Variants in PPFIA3 observed in about 807,000 individuals in gnomAD.
The protein encoded by PPFIA3 is PPFI scaffold protein A3, also known as liprin-alpha-3.
In PPFIA3, 26 loss-of-function variants were observed where a neutral mutation model predicts 145.8. That is an observed-to-expected ratio of 0.18 (90% CI 0.13 to 0.25). PPFIA3 has a LOEUF of 0.25. Ranked by LOEUF, PPFIA3 falls within the 10% of genes least tolerant of loss-of-function variation. PPFIA3 has a pLI of 1.00. For missense variants in PPFIA3, 1,008 were observed against 1,587.8 expected (o/e 0.63, Z 6.21); for synonymous variants, 645 against 661.4 (o/e 0.98, Z 0.38).
At chr19:49,121,560 T>G (rs2040936360) in intron 1 of PPFIA3, among the ~76,000 whole-genome samples, 1 of 152,086 alleles carries the variant, frequency 6.6e-6, no homozygotes, top group African/African-American at 2.4e-5. Context: ...GCGGATCACC[T>G]GAGGTCAGGA....
At chr19:49,135,650 T>C in intron 13 of PPFIA3, 129 bp from the exon 14 acceptor site, 1 of 1,024,128 alleles carries the variant, frequency 9.8e-7, no homozygotes, top group Non-Finnish European at 1.4e-6. Context: ...GATTGCAGGC[T>C]TGAGCCACCA....
In PPFIA3 at chr19:49,140,078, C is replaced by T. The variant is rs964908116; in HGVS notation, c.2358C>T (p.Ser786=). The T allele has an allele frequency of 6.2e-7, 1 of 1,614,036 alleles. No individual in the cohort carries two copies. Among genetic ancestry groups the T allele is most frequent in the Non-Finnish European group, 8.5e-7 (1 of 1,180,050 alleles). The change falls in exon 18 of 30, where the codon AGC becomes AGT. Residue 786 remains serine, a synonymous_variant. Coordinates refer to ENST00000334186, the MANE Select transcript of PPFIA3 (RefSeq NM_003660.4). ...GAATGGGACCCCCAGGCCGGGACAG[C>T]TCTTCTCTGGGTGAGTACCTCACTC... ...KGRMGPPGRD[S]SSLAGTPSDE...
chr19:49,130,352 C>G lies in PPFIA3; in HGVS notation c.658-26C>G. 1 of 1,561,742 alleles carries G rather than the reference C, an allele frequency of 6.4e-7. No homozygotes were observed. The highest frequency in any genetic ancestry group is 8.7e-7 in the Non-Finnish European group (1 of 1,149,030). ...TGTGTCTCCGGAGACACTCTGGGAT[C>G]TTGTCCCCTCCTTCCCTCACTCCAG... On this transcript the variant is annotated intron_variant, in intron 6 of 29. Coordinates refer to ENST00000334186, the MANE Select transcript of PPFIA3 (RefSeq NM_003660.4). This position sits in a 1 kb window ranked among gnomAD's most constrained non-coding sequence, Gnocchi z 4.5.
At position 49,148,716 on chromosome 19, in the gene PPFIA3, G is replaced by A. The variant is rs755227968; in HGVS notation, c.3062G>A (p.Arg1021Gln). The A allele has an allele frequency of 6.2e-7, 1 of 1,614,050 alleles. No homozygotes were observed. ...TGCCTGAAACGGCTCAACTATGACCGGAAGGACCTGGAGCGGAGGCGGGAA... is the reference window on the plus strand; with the variant it reads ...TGCCTGAAACGGCTCAACTATGACCAGAAGGACCTGGAGCGGAGGCGGGAA... The part of the protein sequence containing the change: ...IMCLKRLNYD[R>Q]KDLERRREES... The change falls in exon 25 of 30, where the codon CGG (arginine) becomes CAG (glutamine). Residue 1021 changes from arginine (R) to glutamine (Q), a missense_variant. By Grantham distance (43) the Arg-to-Gln change is conservative. This residue lies in a region of PPFIA3 where 154 missense variants were observed against 369.2 expected (regional missense o/e 0.42). Transcript: ENST00000334186.
intron 20 of PPFIA3, 116 bp downstream of exon 20, chr19:49,142,231 G>A: frequency 1.0e-6 from 1 of 973,276 alleles, no homozygotes; most frequent in Non-Finnish European, 1.5e-6. Flanking sequence ...GGTGGGGGTG[G>A]CCATGGGCCT....
chr19:49,137,030 C>A (rs921357580), intron 15 of PPFIA3, 119 bp downstream of exon 15: 4 of 1,029,824 alleles, frequency 3.9e-6, no homozygotes, highest in Non-Finnish European at 5.4e-6. Context: ...ACAAGGAATT[C>A]TTCCAGCCCA....
rs548127209 is a variant in PPFIA3, at chr19:49,140,294, C to T, written c.2368+206C>T. Among the ~76,000 whole-genome samples, 16 of 152,160 alleles carry T rather than the reference C, an allele frequency of 1.1e-4. No individual in the cohort carries two copies. In the South Asian group the frequency reaches 3.3e-3, roughly 32 times the overall value. On this transcript the variant is annotated intron_variant, in intron 18 of 29. Transcript: ENST00000334186. ...GGCACTCTGGGACCTGCTTGGGTGA[C>T]TGGGTAGGTAAAGGAATTTATTTCC...
rs768162891 is a variant in PPFIA3, at chr19:49,149,289, C to A, written c.3318C>A (p.Asn1106Lys). 6.2e-7 allele frequency: 1 copy of A among 1,614,196 alleles called. No individual in the cohort carries two copies. The highest frequency in any genetic ancestry group is 1.7e-5 in the Admixed American group (1 of 60,028). Residue 1106 changes from asparagine to lysine, a missense_variant, in exon 27 of 30, where the codon AAC becomes AAA. This residue lies in a region of PPFIA3 where 125 missense variants were observed against 159.3 expected (regional missense o/e 0.78). Transcript: ENST00000334186. The surrounding 1 kb of genome is among the most constrained non-coding windows in gnomAD (Gnocchi z 5.7). ...ARQLLEKEFS[N>K]LISLGTDRRL... ...AGCTTCTGGAGAAGGAATTCAGCAA[C>A]CTTATCTCCTTAGGCACAGACAGGC...
intron 1 of PPFIA3, among the ~76,000 whole-genome samples, chr19:49,127,119 C>G (rs898992978): frequency 1.9e-4 from 28 of 148,198 alleles, no homozygotes; most frequent in Admixed American, 1.5e-3. Flanking sequence ...CGCGGTGGCT[C>G]ACGTCTGTAA....
chr19:49,145,848 A>G lies in PPFIA3; in HGVS notation c.2746-95A>G. 5 of 1,094,056 alleles carry G rather than the reference A, an allele frequency of 4.6e-6. No homozygotes were observed. In the Middle Eastern group the frequency reaches 8.0e-4, roughly 175 times the overall value. 67.8% of individuals were successfully genotyped at this position (1,094,056 alleles called of 1,614,324 possible). A position where few individuals can be genotyped will look rare whatever the true frequency, so the allele number is the denominator to read the frequency against. ...TTGCCCCAGAAAGCAGGAGGGACAT[A>G]AACGTGTGGCCCAGGGCCTTCAGGA... On this transcript the variant is annotated intron_variant, in intron 21 of 29. Coordinates refer to ENST00000334186, the MANE Select transcript of PPFIA3 (RefSeq NM_003660.4).
rs2041342432 is a variant in PPFIA3, at chr19:49,150,913, G to C, written c.*691G>C. ...TCCTCTTTCCACGATGCCGCTGGGCGACGTGGCGTGGGGGCAGGGGGACGG... is the reference window on the plus strand; with the variant it reads ...TCCTCTTTCCACGATGCCGCTGGGCCACGTGGCGTGGGGGCAGGGGGACGG... On this transcript the variant is annotated 3_prime_UTR_variant, in exon 30 of 30. Coordinates refer to ENST00000334186, the MANE Select transcript of PPFIA3 (RefSeq NM_003660.4). 5.2e-6 allele frequency: 1 copy of C among 193,604 alleles called. No individual in the cohort carries two copies. The highest frequency in any genetic ancestry group is 1.1e-5 in the Non-Finnish European group (1 of 95,058). 12.0% of individuals were successfully genotyped at this position (193,604 alleles called of 1,614,324 possible).
rs2303053 is a variant in PPFIA3, at chr19:49,136,745, G to T, written c.1687G>T (p.Ala563Ser). The stretch of plus-strand genomic sequence containing the variant: ...ATAGGATTGGGAGCGGTCTGCCCCT[G>T]CGGGCTCCATACCACCCCCATTCCC... Reference protein sequence around the residue: ...PSKDWERSAPAGSIPPPFPGE... With the variant: ...PSKDWERSAPSGSIPPPFPGE... Residue 563 changes from alanine (A) to serine (S), a missense_variant, in exon 15 of 30, where the codon GCG becomes TCG. Physicochemically the swap from Ala to Ser is moderately conservative, Grantham distance 99 (BLOSUM62 1). Transcript: ENST00000334186. 699,979 of 1,550,526 alleles carry T rather than the reference G, an allele frequency of 0.45. 159,995 individuals carry two copies. The highest frequency in any genetic ancestry group is 0.55 in the African/African-American group (40,348 of 73,912).
intron 1 of PPFIA3, among the ~76,000 whole-genome samples, chr19:49,126,556 C>T (rs1194854567): frequency 1.4e-5 from 2 of 140,952 alleles, no homozygotes; most frequent in East Asian, 3.9e-4. Context: ...CAGTCCTGGC[C>T]TTGCTTTTTT....
Position 49,148,125 on chromosome 19 carries a change from G to A in PPFIA3, c.2878G>A (p.Asp960Asn), listed in dbSNP as rs751084636. The change falls in exon 24 of 30, where the codon GAC (aspartate) becomes AAC (asparagine). Residue 960 changes from aspartate to asparagine, a missense_variant. This residue lies in a region of PPFIA3 where 154 missense variants were observed against 369.2 expected (regional missense o/e 0.42). Coordinates refer to ENST00000334186, the MANE Select transcript of PPFIA3 (RefSeq NM_003660.4). ...CATGAACCACGAGTGGGTGGGGAAC[G>A]ACTGGCTGCCCAGCCTGGGGCTGCC... is the stretch of plus-strand genomic sequence containing the variant. ...GDMNHEWVGN[D>N]WLPSLGLPQY... The A allele has an allele frequency of 6.2e-6, 10 of 1,613,860 alleles. No individual in the cohort carries two copies. The Admixed American group carries it at 1.0e-4, about 16-fold the overall frequency.
At chr19:49,129,536 G>A in intron 5 of PPFIA3, 82 bp downstream of exon 5, 1 of 1,436,382 alleles carries the variant, frequency 7.0e-7, no homozygotes, top group Non-Finnish European at 9.5e-7. Context: ...CGGTTGGGTG[G>A]GTTCCAGAGA....
chr19:49,140,340 T>G (rs2041204488), intron 18 of PPFIA3, among the ~76,000 whole-genome samples: 1 of 151,984 alleles, frequency 6.6e-6, no homozygotes, highest in African/African-American at 2.4e-5. Flanking sequence ...TTTTTGTTGT[T>G]TTTTGGTTTT....
Position 49,139,671 on chromosome 19 carries a change from C to T in PPFIA3, c.2080C>T (p.His694Tyr). 6 of 1,589,670 alleles carry T rather than the reference C, an allele frequency of 3.8e-6. No homozygotes were observed. The highest frequency in any genetic ancestry group is 5.1e-6 in the Non-Finnish European group (6 of 1,168,514). Residue 694 changes from histidine (H) to tyrosine (Y), a missense_variant, in exon 17 of 30, where the codon CAT becomes TAT. By Grantham distance (83) the His-to-Tyr change is moderately conservative (BLOSUM62 2). Coordinates refer to ENST00000334186, the MANE Select transcript of PPFIA3 (RefSeq NM_003660.4). ...CATCTGTGCCCTCTGTCCTCAGAAT[C>T]ATGTCCCTAAGGAGGAAGCTGGAGC... The part of the protein sequence containing the change: ...PAREGTDKAN[H>Y]VPKEEAGAPR...
intron 1 of PPFIA3, among the ~76,000 whole-genome samples, chr19:49,124,950 G>T (rs781035393): frequency 8.6e-5 from 13 of 152,024 alleles, no homozygotes; most frequent in Non-Finnish European, 1.3e-4. Context: ...GCCTGTAGTC[G>T]CAGTTACTTG....
chr19:49,139,881 G>T (rs755749907), intron 17 of PPFIA3, 50 bp downstream of exon 17: 1 of 1,611,484 alleles, frequency 6.2e-7, no homozygotes, highest in South Asian at 1.1e-5. Context: ...TTGGGAAGAT[G>T]AGAAGGGGGT....
Sources: gnomAD v4.1 joint callset for allele counts (sites outside exome capture counted in the v4.1 genomes callset) on GRCh38, gnomAD v4.1.1 for gene constraint, gnomAD v4.1.1 regional missense constraint, Gnocchi (gnomAD v3.1) non-coding constraint, MANE v1.5 for transcripts, NCBI Gene and HGNC (gene_info 2026-07-23, HGNC 2026-07-21) for gene names.